Variants in PRKN observed in about 807,000 individuals in gnomAD.
The protein encoded by PRKN is E3 ubiquitin-protein ligase parkin.
Under a neutral mutation model 59.5 loss-of-function variants are expected in PRKN, and 56 were observed. The ratio of observed to expected loss-of-function variants is 0.94; its 90% confidence interval spans 0.76 to 1.18. PRKN has a LOEUF of 1.18. Among genes scored for constraint, PRKN ranks in the 50% most tolerant of loss-of-function variants. The pLI is 0.00. For missense variants in PRKN, 657 were observed against 596.4 expected (o/e 1.10, Z -1.06); for synonymous variants, 250 against 222.1 (o/e 1.13, Z -1.12).
At chr6:162,437,801 A>G (rs1448024284) in intron 2 of PRKN, among the ~76,000 whole-genome samples, 1 of 152,136 alleles carries the variant, frequency 6.6e-6, no homozygotes, top group Non-Finnish European at 1.5e-5. Flanking sequence ...TAGGGTGTGG[A>G]GGTACCAGTT....
At chr6:162,231,770 T>G (rs1197543178) in intron 3 of PRKN, among the ~76,000 whole-genome samples, 1 of 152,172 alleles carries the variant, frequency 6.6e-6, no homozygotes, top group African/African-American at 2.4e-5. Flanking sequence ...GAAGCCTAAT[T>G]TAACCACCTG....
intron 7 of PRKN, among the ~76,000 whole-genome samples, chr6:161,758,120 TG>T (rs949642607): frequency 2.6e-5 from 4 of 151,816 alleles, no homozygotes; most frequent in Non-Finnish European, 5.9e-5. Flanking sequence ...TCGTACATTC[TG>T]GGTGGGCATG....
rs779747290 is a variant in PRKN, at chr6:161,357,138, G to A, written c.1285+2950C>T. Among the ~76,000 whole-genome samples, 5 of 141,154 alleles carry A rather than the reference G, an allele frequency of 3.5e-5. No homozygotes were observed. Among genetic ancestry groups the A allele is most frequent in the Non-Finnish European group, 7.5e-5 (5 of 66,708 alleles). The allele number at this position is 141,154 out of a possible 152,430, so 92.6% of individuals were successfully genotyped here. A position where few individuals can be genotyped will look rare whatever the true frequency, so the allele number is the denominator to read the frequency against. On this transcript the variant is annotated intron_variant, in intron 11 of 11. Transcript: ENST00000366898. The surrounding 1 kb of genome is among the most constrained non-coding windows in gnomAD (Gnocchi z 5.5). ...ATGATCTCAGCTCACTGCAAATTCC[G>A]CCTCCCAGGTTCAAGTAATTCTCCT...
intron 5 of PRKN, among the ~76,000 whole-genome samples, chr6:162,046,208 C>T (rs568407555): frequency 1.1e-4 from 16 of 152,236 alleles, no homozygotes; most frequent in Non-Finnish European, 8.8e-5. Context: ...CGGACTGACA[C>T]GTTTGGCTTT....
intron 6 of PRKN, among the ~76,000 whole-genome samples, chr6:161,865,214 G>C (rs2128225517): frequency 6.6e-6 from 1 of 152,200 alleles, no homozygotes; most frequent in Non-Finnish European, 1.5e-5. Flanking sequence ...TTCAACAATG[G>C]GCTTAAAACA....
rs571192856 is a variant in PRKN at position 161,363,799 on chromosome 6, G to T, written c.1168-3594C>A. Among the ~76,000 whole-genome samples the T allele has an allele frequency of 1.3e-5, 2 of 152,094 alleles. No homozygotes were observed. Among genetic ancestry groups the T allele is most frequent in the Non-Finnish European group, 2.9e-5 (2 of 68,018 alleles). On this transcript the variant is annotated intron_variant, in intron 10 of 11. Transcript: ENST00000366898. The surrounding 1 kb of genome is among the most constrained non-coding windows in gnomAD (Gnocchi z 4.1). The stretch of plus-strand genomic sequence containing the variant: ...CTATCCAAGCAAAATTAATTTTTAA[G>T]AATGAGCATAAATAAAAACACAGTA...
In PRKN at chr6:161,372,236, G is replaced by A. The variant is rs192249331; in HGVS notation, c.1168-12031C>T. 3.4e-3 allele frequency among the ~76,000 whole-genome samples: 516 copies of A among 152,322 alleles called. No homozygotes were observed. Among genetic ancestry groups the A allele is most frequent in the Middle Eastern group, 0.02 (6 of 294 alleles). On this transcript the variant is annotated intron_variant, in intron 10 of 11. Transcript: ENST00000366898. The surrounding 1 kb of genome is among the most constrained non-coding windows in gnomAD (Gnocchi z 4.2). ...TGACATATGGGAAAAATCTACACTT[G>A]AGCTAGAAAATATGCTGATTTGTAT... is the stretch of plus-strand genomic sequence containing the variant.
intron 7 of PRKN, among the ~76,000 whole-genome samples, chr6:161,768,311 A>C (rs976379682): frequency 5.3e-5 from 8 of 152,208 alleles, no homozygotes; most frequent in African/African-American, 1.9e-4. Context: ...ATTTTGTGAA[A>C]GGGTTTTCAA....
chr6:161,975,918 T>A (rs1781013072), intron 5 of PRKN, among the ~76,000 whole-genome samples: 1 of 152,172 alleles, frequency 6.6e-6, no homozygotes, highest in Admixed American at 6.5e-5. Context: ...ATTTTACTTT[T>A]TTTTTGAGAC....
At chr6:161,426,440 C>T (rs924084464) in intron 9 of PRKN, among the ~76,000 whole-genome samples, 6 of 151,970 alleles carry the variant, frequency 3.9e-5, no homozygotes, top group Non-Finnish European at 7.4e-5. Flanking sequence ...ATAAAGCAGG[C>T]AGAAAAACAT....
intron 2 of PRKN, among the ~76,000 whole-genome samples, chr6:162,297,933 A>C (rs1415136571): frequency 6.6e-6 from 1 of 152,144 alleles, no homozygotes; most frequent in Non-Finnish European, 1.5e-5. Flanking sequence ...TAGTTACAAC[A>C]AGCAAAATAT....
chr6:161,636,347 G>A (rs941045060), intron 7 of PRKN, among the ~76,000 whole-genome samples: 2 of 152,216 alleles, frequency 1.3e-5, no homozygotes, highest in African/African-American at 4.8e-5. Flanking sequence ...CAGGAGCAGC[G>A]GGCAAGGCTC....
At chr6:162,068,771 G>A (rs891552747) in intron 4 of PRKN, among the ~76,000 whole-genome samples, 8 of 128,174 alleles carry the variant, frequency 6.2e-5, no homozygotes, top group Non-Finnish European at 1.1e-4. Context: ...CACTTTTGCT[G>A]TATTTTCTTG....
chr6:162,276,395 C>T (rs754543208), intron 2 of PRKN, among the ~76,000 whole-genome samples: 2 of 152,066 alleles, frequency 1.3e-5, no homozygotes, highest in Admixed American at 6.6e-5. Context: ...GGATGTACCT[C>T]ATTAAAGATG....
At chr6:161,724,079 G>A in intron 7 of PRKN, among the ~76,000 whole-genome samples, 1 of 152,208 alleles carries the variant, frequency 6.6e-6, no homozygotes, top group South Asian at 2.1e-4. Context: ...GCTGGGGGAA[G>A]TAGAGCTTCT....
rs963487490 is a variant in PRKN, at chr6:161,527,905, C to T, written c.1083+20949G>A. 6.6e-6 allele frequency among the ~76,000 whole-genome samples: 1 copy of T among 152,226 alleles called. No individual in the cohort carries two copies. The highest frequency in any genetic ancestry group is 1.5e-5 in the Non-Finnish European group (1 of 68,048). ...GTCAGCTCAGTTTACCCCAAGGCCA[C>T]AGGCATTACTGCCTCCTTTAACACA... On this transcript the variant is annotated intron_variant, in intron 9 of 11. Coordinates refer to ENST00000366898, the MANE Select transcript of PRKN (RefSeq NM_004562.3). This position sits in a 1 kb window ranked among gnomAD's most constrained non-coding sequence, Gnocchi z 4.6.
chr6:161,351,771 G>A (rs1276447171), intron 11 of PRKN, among the ~76,000 whole-genome samples: 1 of 152,164 alleles, frequency 6.6e-6, no homozygotes, highest in African/African-American at 2.4e-5. Flanking sequence ...TGAGATAAGA[G>A]CATCACTCTG....
intron 2 of PRKN, among the ~76,000 whole-genome samples, chr6:162,303,032 G>A (rs781352137): frequency 4.7e-5 from 7 of 149,648 alleles, no homozygotes; most frequent in South Asian, 4.2e-4. Flanking sequence ...AAGCAGTTAC[G>A]TGACTTTTGG....
In PRKN at chr6:161,376,464, C is replaced by CCTCTCATCCTGTCTT. The variant is rs1178266915; in HGVS notation, c.1167+10315_1167+10329dup. ...TTCATGCATCAACATTAACCCGTCT[C>CCTCTCATCCTGTCTT]CTCTCATCCTGTCTTCTAATCCACT... On this transcript the variant is annotated intron_variant, in intron 10 of 11. Transcript: ENST00000366898. The surrounding 1 kb of genome is among the most constrained non-coding windows in gnomAD (Gnocchi z 7.3). Among the ~76,000 whole-genome samples the CCTCTCATCCTGTCTT allele has an allele frequency of 4.6e-5, 7 of 152,226 alleles. No individual in the cohort carries two copies. Among genetic ancestry groups the CCTCTCATCCTGTCTT allele is most frequent in the Non-Finnish European group, 1.0e-4 (7 of 68,036 alleles).
Sources: gnomAD v4.1 joint callset for allele counts (sites outside exome capture counted in the v4.1 genomes callset) on GRCh38, gnomAD v4.1.1 for gene constraint, Gnocchi (gnomAD v3.1) non-coding constraint, MANE v1.5 for transcripts, NCBI Gene and HGNC (gene_info 2026-07-23, HGNC 2026-07-21) for gene names.